The following SCAND3 variants were observed in gnomAD, a reference collection of about 807,000 sequenced individuals.
SCAND3 encodes the protein SCAN domain-containing protein 3.
chr6:28,573,208 T>G, the SCAND3 span: 1 of 1,614,046 alleles, frequency 6.2e-7, no homozygotes, highest in Non-Finnish European at 8.5e-7. Flanking sequence ...CTTTGCTAGT[T>G]TTATTTGTTC....
the SCAND3 span, chr6:28,586,436 C>T: frequency 2.7e-5 from 43 of 1,614,116 alleles, no homozygotes; most frequent in Admixed American, 3.3e-5. The surrounding 1 kb of genome is among the most constrained non-coding windows in gnomAD (Gnocchi z 4.4). Context: ...CCAGCACCAA[C>T]AATTCCAGGA....
the SCAND3 span, among the ~76,000 whole-genome samples, chr6:28,598,666 G>T: frequency 1.9e-4 from 29 of 148,946 alleles, no homozygotes; most frequent in Non-Finnish European, 3.0e-4. Context: ...CCAACATTGT[G>T]AAACCCTGTT....
the SCAND3 span, among the ~76,000 whole-genome samples, chr6:28,612,457 ATGT>A: frequency 2.0e-5 from 3 of 152,152 alleles, no homozygotes; most frequent in Non-Finnish European, 4.4e-5. Context: ...GAAAGACTAG[ATGT>A]TGTAAATTAG....
the SCAND3 span, among the ~76,000 whole-genome samples, chr6:28,606,620 T>C: frequency 6.6e-6 from 1 of 152,168 alleles, no homozygotes; most frequent in East Asian, 1.9e-4. Flanking sequence ...GGTGCCTACG[T>C]GATGCCTCTC....
chr6:28,581,556 C>T, the SCAND3 span, among the ~76,000 whole-genome samples: 2 of 152,146 alleles, frequency 1.3e-5, no homozygotes, highest in African/African-American at 2.4e-5. Context: ...TTCAGGGACC[C>T]TAGCTGTCTT....
chr6:28,604,826 C>T, the SCAND3 span, among the ~76,000 whole-genome samples: 4 of 152,070 alleles, frequency 2.6e-5, no homozygotes, highest in African/African-American at 7.2e-5. Context: ...TCTGTTGAGT[C>T]TCAAGCATAG....
At chr6:28,572,376 A>C in the SCAND3 span, 1 of 1,612,180 alleles carries the variant, frequency 6.2e-7, no homozygotes, top group East Asian at 2.2e-5. The surrounding 1 kb of genome is among the most constrained non-coding windows in gnomAD (Gnocchi z 4.1). Context: ...GCAGATGTGC[A>C]ATATCAAGAT....
At chr6:28,582,691 C>T in the SCAND3 span, among the ~76,000 whole-genome samples, 2 of 151,062 alleles carry the variant, frequency 1.3e-5, no homozygotes, top group Admixed American at 6.6e-5. This position sits in a 1 kb window ranked among gnomAD's most constrained non-coding sequence, Gnocchi z 4.8. Flanking sequence ...GGGAGGCTGA[C>T]GCGGGCGGAT....
chr6:28,607,213 TC>T, the SCAND3 span, among the ~76,000 whole-genome samples: 1 of 152,176 alleles, frequency 6.6e-6, no homozygotes, highest in African/African-American at 2.4e-5. Context: ...CCGGGTTCAA[TC>T]CCCGGCACCT....
chr6:28,573,827 T>A, the SCAND3 span: 1 of 1,519,756 alleles, frequency 6.6e-7, no homozygotes, highest in Non-Finnish European at 8.8e-7. Flanking sequence ...TGTTTCGCCA[T>A]CTGAAATTAG....
At chr6:28,605,232 C>G in the SCAND3 span, among the ~76,000 whole-genome samples, 1 of 152,182 alleles carries the variant, frequency 6.6e-6, no homozygotes, top group African/African-American at 2.4e-5. Context: ...TTTGACTGCT[C>G]ACTACCCTGA....
the SCAND3 span, among the ~76,000 whole-genome samples, chr6:28,593,965 C>T: frequency 6.6e-6 from 1 of 152,198 alleles, no homozygotes; most frequent in African/African-American, 2.4e-5. Context: ...AGCGATCCTT[C>T]CACCTCGGCC....
chr6:28,607,343 C>T, the SCAND3 span, among the ~76,000 whole-genome samples: 1 of 152,118 alleles, frequency 6.6e-6, no homozygotes, highest in Non-Finnish European at 1.5e-5. Flanking sequence ...GTCTGTACAG[C>T]CTTTGCAGTG....
At chr6:28,605,707 A>G in the SCAND3 span, among the ~76,000 whole-genome samples, 3 of 150,420 alleles carry the variant, frequency 2.0e-5, no homozygotes, top group Non-Finnish European at 4.4e-5. Context: ...TTAGCCAGGC[A>G]TAGTGGCAGG....
At chr6:28,572,855 A>G in the SCAND3 span, 3 of 1,613,876 alleles carry the variant, frequency 1.9e-6, no homozygotes, top group Non-Finnish European at 2.5e-6. This position sits in a 1 kb window ranked among gnomAD's most constrained non-coding sequence, Gnocchi z 4.1. Flanking sequence ...AGTTCAGCTG[A>G]TATTTTTTTC....
At chr6:28,602,209 G>A in the SCAND3 span, among the ~76,000 whole-genome samples, 1 of 151,982 alleles carries the variant, frequency 6.6e-6, no homozygotes, top group African/African-American at 2.4e-5. Context: ...CTTAAATAGT[G>A]ATGTTTTGTT....
chr6:28,601,945 C>A, the SCAND3 span, among the ~76,000 whole-genome samples: 1 of 152,060 alleles, frequency 6.6e-6, no homozygotes, highest in South Asian at 2.1e-4. Flanking sequence ...CCCACCCACC[C>A]CTCTATGCCC....
chr6:28,584,898 G>A, the SCAND3 span, among the ~76,000 whole-genome samples: 2 of 152,122 alleles, frequency 1.3e-5, no homozygotes, highest in Non-Finnish European at 2.9e-5. Flanking sequence ...GCACTTCTGC[G>A]GGACTTCCAT....
At chr6:28,606,161 C>G in the SCAND3 span, among the ~76,000 whole-genome samples, 1 of 152,082 alleles carries the variant, frequency 6.6e-6, no homozygotes, top group African/African-American at 2.4e-5. Flanking sequence ...ATGCAACGTA[C>G]AGGAGAGAGA....
Sources: gnomAD v4.1 joint callset for allele counts (sites outside exome capture counted in the v4.1 genomes callset) on GRCh38, gnomAD v4.1.1 for gene constraint, Gnocchi (gnomAD v3.1) non-coding constraint, MANE v1.5 for transcripts, NCBI Gene and HGNC (gene_info 2026-07-23, HGNC 2026-07-21) for gene names.